Variants in GRID2 observed in about 807,000 individuals in gnomAD.
GRID2 encodes the protein glutamate receptor ionotropic, delta-2.
Under a neutral mutation model 114.8 loss-of-function variants are expected in GRID2, and 33 were observed. The observed-to-expected ratio is 0.29, with a 90% CI of 0.22 to 0.38. The LOEUF (loss-of-function observed/expected upper bound fraction) is 0.38, where lower values mean the gene tolerates loss of function less well. GRID2 is among the 10% of genes least tolerant of loss of function. The probability of loss-of-function intolerance (pLI) is 1.00; values close to 1 mark genes in which losing one functional copy is unlikely to be tolerated. For synonymous variants in GRID2, 505 were observed against 449.9 expected (o/e 1.12, Z -1.55); for missense variants, 1,184 against 1,257.7 (o/e 0.94, Z 0.89).
At chr4:93,689,503 G>C (rs901765282) in intron 14 of GRID2, among the ~76,000 whole-genome samples, 12 of 151,972 alleles carry the variant, frequency 7.9e-5, no homozygotes, top group African/African-American at 2.9e-4. Flanking sequence ...AATTGCTCCA[G>C]ATCAGACTTC....
intron 2 of GRID2, among the ~76,000 whole-genome samples, chr4:92,838,041 G>A (rs1483208684): frequency 1.3e-5 from 2 of 151,952 alleles, no homozygotes; most frequent in African/African-American, 4.8e-5. Context: ...AACTCATCTA[G>A]AAACAATTTG....
intron 2 of GRID2, among the ~76,000 whole-genome samples, chr4:92,677,005 TA>T (rs200473075): frequency 9.2e-5 from 14 of 151,592 alleles, no homozygotes; most frequent in Middle Eastern, 6.8e-3. Flanking sequence ...TTATGCTAAA[TA>T]AAAAAAAATC....
chr4:92,970,316 C>G (rs1560756458), intron 2 of GRID2, among the ~76,000 whole-genome samples: 1 of 151,870 alleles, frequency 6.6e-6, no homozygotes, highest in African/African-American at 2.4e-5. Context: ...TATTCAGTCT[C>G]TTCAATCACC....
chr4:93,246,272 T>A (rs1396433456), intron 8 of GRID2, among the ~76,000 whole-genome samples: 1 of 152,106 alleles, frequency 6.6e-6, no homozygotes, highest in African/African-American at 2.4e-5. Context: ...AAGGTTTATA[T>A]AATAGAGAGA....
At chr4:93,565,019 A>C (rs1190871315) in intron 13 of GRID2, among the ~76,000 whole-genome samples, 1 of 152,130 alleles carries the variant, frequency 6.6e-6, no homozygotes, top group Non-Finnish European at 1.5e-5. Flanking sequence ...TGGCTTTTGA[A>C]ATAAAGAGGA....
chr4:92,946,158 C>G (rs1234367704), intron 2 of GRID2, among the ~76,000 whole-genome samples: 1 of 152,036 alleles, frequency 6.6e-6, no homozygotes, highest in African/African-American at 2.4e-5. Context: ...TTCATTGACA[C>G]AAAAAATGGC....
chr4:93,504,080 T>A (rs1456642214), intron 12 of GRID2, among the ~76,000 whole-genome samples: 1 of 152,114 alleles, frequency 6.6e-6, no homozygotes, highest in Non-Finnish European at 1.5e-5. Flanking sequence ...AGCCTACACT[T>A]ATTCATGGTA....
chr4:92,904,691 A>G (rs1747822274), intron 2 of GRID2, among the ~76,000 whole-genome samples: 1 of 152,032 alleles, frequency 6.6e-6, no homozygotes, highest in Admixed American at 6.6e-5. Flanking sequence ...ATAAAACTTC[A>G]AGGGCCAAAC....
chr4:92,877,785 T>TCAAG (rs1745741646), intron 2 of GRID2, among the ~76,000 whole-genome samples: 2 of 152,286 alleles, frequency 1.3e-5, no homozygotes, highest in South Asian at 4.1e-4. Context: ...GGGACAAAGA[T>TCAAG]CAAGCATCCT....
chr4:92,360,281 CTCT>C (rs1728549800), intron 1 of GRID2, among the ~76,000 whole-genome samples: 1 of 151,906 alleles, frequency 6.6e-6, no homozygotes. Context: ...TGCCCTACCT[CTCT>C]CTTTTCTGCA....
chr4:93,385,494 T>C (rs760174957), intron 8 of GRID2, among the ~76,000 whole-genome samples: 24 of 152,178 alleles, frequency 1.6e-4, no homozygotes, highest in Admixed American at 3.9e-4. Context: ...CATTTATTCA[T>C]GCAATAAATT....
At chr4:92,752,371 C>G (rs562366476) in intron 2 of GRID2, among the ~76,000 whole-genome samples, 4 of 152,128 alleles carry the variant, frequency 2.6e-5, no homozygotes, top group Middle Eastern at 3.2e-3. Flanking sequence ...TTCATGTATT[C>G]CTCTAAGAAG....
chr4:92,725,362 T>C (rs897555142), intron 2 of GRID2, among the ~76,000 whole-genome samples: 1 of 152,132 alleles, frequency 6.6e-6, no homozygotes, highest in African/African-American at 2.4e-5. Flanking sequence ...GAGTCTAACA[T>C]CCTTATTATT....
At chr4:93,264,409 C>T (rs1226887096) in intron 8 of GRID2, among the ~76,000 whole-genome samples, 2 of 151,836 alleles carry the variant, frequency 1.3e-5, no homozygotes, top group Admixed American at 1.3e-4. Flanking sequence ...TAATTAGACC[C>T]CTTGAAGTTT....
At chr4:93,652,993 C>T (rs187197341) in intron 14 of GRID2, among the ~76,000 whole-genome samples, 2 of 152,068 alleles carry the variant, frequency 1.3e-5, no homozygotes, top group Admixed American at 6.6e-5. Context: ...GAAGGGATGC[C>T]ACCAGAGGTT....
intron 2 of GRID2, among the ~76,000 whole-genome samples, chr4:92,738,041 T>C (rs1736686714): frequency 6.6e-6 from 1 of 152,176 alleles, no homozygotes; most frequent in African/African-American, 2.4e-5. Context: ...TTTGGCCAAG[T>C]TTTTTGCACA....
At chr4:93,661,878 G>A (rs757840359) in intron 14 of GRID2, among the ~76,000 whole-genome samples, 1 of 152,070 alleles carries the variant, frequency 6.6e-6, no homozygotes, top group Admixed American at 6.6e-5. Context: ...ATCATGGCTC[G>A]GTTCTCCTCA....
intron 2 of GRID2, among the ~76,000 whole-genome samples, chr4:92,733,333 T>C (rs890830522): frequency 6.6e-6 from 1 of 152,146 alleles, no homozygotes; most frequent in African/African-American, 2.4e-5. Context: ...GCTTTTTCTG[T>C]TACCTTTATA....
At chr4:93,460,977 C>A (rs1441004632) in intron 11 of GRID2, among the ~76,000 whole-genome samples, 1 of 152,098 alleles carries the variant, frequency 6.6e-6, no homozygotes, top group East Asian at 1.9e-4. Flanking sequence ...TGAATTCTTC[C>A]TCCAAGTGAC....
Sources: allele counts gnomAD v4.1 joint callset (sites outside exome capture counted in the v4.1 genomes callset), GRCh38; gene constraint gnomAD v4.1.1; transcripts MANE v1.5; gene names NCBI Gene and HGNC (gene_info 2026-07-23, HGNC 2026-07-21).